The following PKP4 variants were observed in gnomAD, a reference collection of about 807,000 sequenced individuals.
PKP4 encodes the protein plakophilin-4.
PKP4 carries 90 observed loss-of-function variants against 145.1 expected under a neutral mutation model. The observed-to-expected ratio is 0.62, with a 90% CI of 0.52 to 0.74. PKP4 has a LOEUF of 0.74. Among genes scored for constraint, PKP4 ranks in the 30% least tolerant of loss-of-function variants. The pLI is 0.00. For synonymous variants in PKP4, 563 were observed against 577.2 expected (o/e 0.98, Z 0.35); for missense variants, 1,340 against 1,482.7 (o/e 0.90, Z 1.58).
At chr2:158,635,236 T>C (rs2053707969) in intron 9 of PKP4, among the ~76,000 whole-genome samples, 1 of 152,188 alleles carries the variant, frequency 6.6e-6, no homozygotes, top group South Asian at 2.1e-4. Context: ...TAAAGATACC[T>C]TAAAGTTGAG....
At chr2:158,603,187 A>G in intron 4 of PKP4, 83 bp downstream of exon 4, 2 of 757,664 alleles carry the variant, frequency 2.6e-6, no homozygotes, top group African/African-American at 1.8e-5. Context: ...CTCTTGGTGA[A>G]ATAAGCCAAG....
chr2:158,504,479 A>G (rs149729819), intron 1 of PKP4, among the ~76,000 whole-genome samples: 89 of 152,310 alleles, frequency 5.8e-4, no homozygotes, highest in African/African-American at 1.9e-3. Context: ...AGTCCTGAGG[A>G]TGGTTGTCTC....
chr2:158,559,966 A>G (rs1435614690), intron 2 of PKP4, among the ~76,000 whole-genome samples: 2 of 151,866 alleles, frequency 1.3e-5, no homozygotes, highest in East Asian at 3.9e-4. Context: ...TCCTGGATTC[A>G]AGTGATTCTC....
chr2:158,529,378 A>G (rs764340230), intron 1 of PKP4, among the ~76,000 whole-genome samples: 2 of 152,150 alleles, frequency 1.3e-5, no homozygotes, highest in Non-Finnish European at 2.9e-5. Flanking sequence ...TTGTTCCATT[A>G]ACTACCACTC....
chr2:158,674,077 C>T, intron 19 of PKP4, 77 bp downstream of exon 19: 2 of 866,046 alleles, frequency 2.3e-6, no homozygotes, highest in Admixed American at 1.7e-5. Flanking sequence ...GAAGATCAAA[C>T]ATAAGCTGGT....
At chr2:158,676,934 G>A in intron 20 of PKP4, 67 bp downstream of exon 20, 1 of 1,585,460 alleles carries the variant, frequency 6.3e-7, no homozygotes. Flanking sequence ...CTTGGCCAGT[G>A]GCCTGGGAAG....
chr2:158,491,442 T>G (rs1032779591), intron 1 of PKP4, among the ~76,000 whole-genome samples: 1 of 152,152 alleles, frequency 6.6e-6, no homozygotes, highest in African/African-American at 2.4e-5. Flanking sequence ...TGTATTTCTC[T>G]GACTACTTAT....
At chr2:158,647,836 T>A (rs1423215250) in intron 11 of PKP4, among the ~76,000 whole-genome samples, 1 of 152,222 alleles carries the variant, frequency 6.6e-6, no homozygotes, top group East Asian at 1.9e-4. Flanking sequence ...GTTCCCCAGT[T>A]TGGTTATAAA....
intron 1 of PKP4, among the ~76,000 whole-genome samples, chr2:158,487,146 C>T (rs762933432): frequency 2.6e-5 from 4 of 152,034 alleles, no homozygotes; most frequent in African/African-American, 9.7e-5. Flanking sequence ...TGATTCAGCC[C>T]GTGGGAGTGA....
intron 1 of PKP4, among the ~76,000 whole-genome samples, chr2:158,518,020 T>C (rs1334774032): frequency 1.3e-5 from 2 of 152,242 alleles, no homozygotes; most frequent in Non-Finnish European, 2.9e-5. Flanking sequence ...TCTTGATGGT[T>C]ATTTCAGGTA....
intron 3 of PKP4, among the ~76,000 whole-genome samples, chr2:158,594,407 AGG>A (rs1372792340): frequency 3.9e-5 from 6 of 152,180 alleles, no homozygotes; most frequent in Non-Finnish European, 8.8e-5. Flanking sequence ...TACCATTTTC[AGG>A]GGCAAGGTCA....
At chr2:158,578,346 T>C (rs2048038108) in intron 3 of PKP4, 1 of 161,556 alleles carries the variant, frequency 6.2e-6, no homozygotes, top group African/African-American at 2.4e-5. Flanking sequence ...AGTATATAAA[T>C]AAAGGTCGTC....
At chr2:158,510,391 T>C (rs1392737479) in intron 1 of PKP4, among the ~76,000 whole-genome samples, 1 of 152,190 alleles carries the variant, frequency 6.6e-6, no homozygotes, top group Non-Finnish European at 1.5e-5. Flanking sequence ...GGGATCTTGG[T>C]CTTATTAAAT....
At chr2:158,655,393 A>G (rs2055808966) in intron 11 of PKP4, among the ~76,000 whole-genome samples, 1 of 151,258 alleles carries the variant, frequency 6.6e-6, no homozygotes, top group Non-Finnish European at 1.5e-5. Flanking sequence ...AGCTGGGAGT[A>G]GAGACAGAAA....
At chr2:158,482,338 A>G (rs1170245460) in intron 1 of PKP4, among the ~76,000 whole-genome samples, 1 of 151,914 alleles carries the variant, frequency 6.6e-6, no homozygotes. Flanking sequence ...TTTCCAAGAC[A>G]TGGTCTTGCT....
At chr2:158,677,270 CTT>C (rs757166122) in intron 20 of PKP4, 18 of 258,258 alleles carry the variant, frequency 7.0e-5, no homozygotes, top group Non-Finnish European at 1.1e-4. Flanking sequence ...TGGCTCATCT[CTT>C]AAATTCAAAC....
intron 1 of PKP4, among the ~76,000 whole-genome samples, chr2:158,486,829 A>T (rs1339560311): frequency 2.6e-5 from 4 of 152,254 alleles, no homozygotes; most frequent in African/African-American, 9.6e-5. Context: ...AAGCATGAGC[A>T]GCTTGAGGCT....
intron 2 of PKP4, among the ~76,000 whole-genome samples, chr2:158,562,665 A>G (rs1045318739): frequency 3.3e-5 from 5 of 152,226 alleles, no homozygotes; most frequent in African/African-American, 1.2e-4. Context: ...ATATACATAT[A>G]TCATCACCTG....
intron 17 of PKP4, among the ~76,000 whole-genome samples, chr2:158,672,359 T>G (rs2057636535): frequency 6.6e-6 from 1 of 152,200 alleles, no homozygotes. Context: ...GCTCATGGAA[T>G]TTGTGTCTGA....
Sources: gnomAD v4.1 joint callset for allele counts (sites outside exome capture counted in the v4.1 genomes callset) on GRCh38, gnomAD v4.1.1 for gene constraint, MANE v1.5 for transcripts, NCBI Gene and HGNC (gene_info 2026-07-23, HGNC 2026-07-21) for gene names.